Variants in PLEKHG1 observed in about 807,000 individuals in gnomAD.
PLEKHG1 encodes pleckstrin homology domain-containing family G member 1.
Under a neutral mutation model 100.8 loss-of-function variants are expected in PLEKHG1, and 44 were observed. That is an observed-to-expected ratio of 0.44 (90% CI 0.34 to 0.56). The LOEUF is 0.56. Among genes scored for constraint, PLEKHG1 ranks in the 20% least tolerant of loss-of-function variants. The pLI is 0.01. For missense variants in PLEKHG1, 1,545 were observed against 1,720.9 expected, an observed-to-expected ratio of 0.90 and a Z score of 1.81; for synonymous variants, 640 against 662.5, an observed-to-expected ratio of 0.97 and a Z score of 0.52.
At chr6:150,668,461 T>A (rs987418070) in intron 3 of PLEKHG1, among the ~76,000 whole-genome samples, 1 of 152,224 alleles carries the variant, frequency 6.6e-6, no homozygotes, top group Admixed American at 6.5e-5. Context: ...TAAAATTTAA[T>A]GGTCCATTTG....
At chr6:150,768,905 G>A (rs1469464316) in intron 3 of PLEKHG1, among the ~76,000 whole-genome samples, 167 bp downstream of exon 4, 1 of 152,080 alleles carries the variant, frequency 6.6e-6, no homozygotes, top group Non-Finnish European at 1.5e-5. Flanking sequence ...ATTTCCTTAT[G>A]AGTCTCACAT....
intron 3 of PLEKHG1, among the ~76,000 whole-genome samples, chr6:150,652,751 G>A (rs1364619862): frequency 2.0e-5 from 3 of 151,538 alleles, no homozygotes; most frequent in African/African-American, 7.3e-5. Context: ...AAGGAAAAAG[G>A]TTTATACTTT....
At chr6:150,696,704 A>T (rs1780557754) in intron 3 of PLEKHG1, among the ~76,000 whole-genome samples, 1 of 152,224 alleles carries the variant, frequency 6.6e-6, no homozygotes, top group Non-Finnish European at 1.5e-5. Context: ...AAGTCTAGAG[A>T]TACCAAAAAT....
intron 3 of PLEKHG1, among the ~76,000 whole-genome samples, chr6:150,704,038 A>G (rs570241077): frequency 4.0e-5 from 6 of 151,766 alleles, no homozygotes; most frequent in Non-Finnish European, 7.3e-5. Context: ...TCAAAGTGCA[A>G]CAATTGCAAA....
At chr6:150,800,613 A>G in intron 5 of PLEKHG1, 106 bp from the exon 7 acceptor site, 2 of 1,023,688 alleles carry the variant, frequency 2.0e-6, no homozygotes, top group South Asian at 3.0e-5. Flanking sequence ...ACAGCTCTGG[A>G]GCTACCCTAC....
chr6:150,832,455 T>C (rs189643771), intron 15 of PLEKHG1, among the ~76,000 whole-genome samples: 212 of 152,274 alleles, frequency 1.4e-3, no homozygotes, highest in African/African-American at 4.9e-3. Flanking sequence ...AGAGATAATA[T>C]TTTAAGAAAG....
At chr6:150,823,010 C>T (rs892682549) in intron 13 of PLEKHG1, among the ~76,000 whole-genome samples, 3 of 152,168 alleles carry the variant, frequency 2.0e-5, no homozygotes, top group African/African-American at 7.2e-5. Flanking sequence ...AAAAGCAAAA[C>T]AGTTATGGTG....
intron 1 of PLEKHG1, among the ~76,000 whole-genome samples, chr6:150,620,630 A>G (rs574262420): frequency 1.3e-5 from 2 of 152,084 alleles, no homozygotes; most frequent in South Asian, 4.2e-4. Context: ...TGACTTACCT[A>G]TTTTCAAAAA....
At chr6:150,719,349 G>C (rs1342325547), upstream of PLEKHG1, among the ~76,000 whole-genome samples, 1 of 152,172 alleles carries the variant, frequency 6.6e-6, no homozygotes, top group Non-Finnish European at 1.5e-5. Flanking sequence ...AAGTAGCTGT[G>C]TTGTGATCTG....
intron 14 of PLEKHG1, 95 bp downstream of exon 15, chr6:150,823,771 C>A: frequency 2.5e-6 from 2 of 793,636 alleles, no homozygotes; most frequent in Admixed American, 4.5e-5. Flanking sequence ...GCCCGTATTC[C>A]AAGTGTCAAC....
chr6:150,743,808 T>TGG, intron 2 of PLEKHG1, among the ~76,000 whole-genome samples: 1 of 152,092 alleles, frequency 6.6e-6, no homozygotes, highest in South Asian at 2.1e-4. Context: ...CTCTGTGAAA[T>TGG]TATTTAACAC....
intron 1 of PLEKHG1, among the ~76,000 whole-genome samples, chr6:150,637,663 T>C (rs916329174): frequency 5.3e-5 from 8 of 152,146 alleles, no homozygotes; most frequent in Non-Finnish European, 1.0e-4. Context: ...TACGACATAG[T>C]TGATTGTGTG....
rs149211633 is a variant in PLEKHG1 at position 150,707,129 on chromosome 6, C to T, written c.-98-26455C>T. Among the ~76,000 whole-genome samples the T allele has an allele frequency of 5.9e-3, 886 of 151,144 alleles. 10 individuals carry two copies. The highest frequency in any genetic ancestry group is 0.02 in the African/African-American group (815 of 41,260). On this transcript the variant is annotated intron_variant, in intron 3 of 3. Transcript: ENST00000367326. ...AAGCGATTCTCCTGCCTCAACCTCC[C>T]GAGTAGCTGGGATTACAGGTGCGCG...
chr6:150,721,489 G>A (rs1781672170), intron 1 of PLEKHG1, among the ~76,000 whole-genome samples: 1 of 152,168 alleles, frequency 6.6e-6, no homozygotes, highest in Admixed American at 6.5e-5. Flanking sequence ...TTAAAGTGAG[G>A]TTGAAATATC....
intron 3 of PLEKHG1, among the ~76,000 whole-genome samples, chr6:150,773,643 C>A (rs537402902): frequency 6.6e-6 from 1 of 152,366 alleles, no homozygotes; most frequent in African/African-American, 2.4e-5. Flanking sequence ...TGATCAAGCC[C>A]ACATACATTG....
intron 3 of PLEKHG1, among the ~76,000 whole-genome samples, chr6:150,778,697 T>G (rs1287169159): frequency 6.6e-6 from 1 of 152,198 alleles, no homozygotes; most frequent in African/African-American, 2.4e-5. Context: ...CCCTGTAACC[T>G]TCTTGCCTGA....
intron 1 of PLEKHG1, among the ~76,000 whole-genome samples, chr6:150,623,370 C>T (rs77816736): frequency 0.014 from 2,089 of 152,300 alleles, 18 homozygotes; most frequent in Non-Finnish European, 0.02. Flanking sequence ...GTAGCACCTG[C>T]GTCCTCCATC....
intron 5 of PLEKHG1, 106 bp downstream of exon 6, chr6:150,796,008 G>A: frequency 4.1e-6 from 3 of 733,496 alleles, no homozygotes; most frequent in Admixed American, 1.9e-5. Flanking sequence ...CTGGCCTTGT[G>A]CTGAATACTA....
In PLEKHG1 at chr6:150,691,988, C is replaced by T. The variant is rs987160581; in HGVS notation, c.-99+41202C>T. 5.3e-5 allele frequency among the ~76,000 whole-genome samples: 8 copies of T among 152,236 alleles called. No individual in the cohort carries two copies. The East Asian group carries it at 1.5e-3, about 29-fold the overall frequency. On this transcript the variant is annotated intron_variant, in intron 3 of 3. Transcript: ENST00000367326. ...ACCAGGGGTGGATCCAGGTTCCTGT[C>T]CCGCTGGGACATGGCCCATTTCCTT...
Sources: gnomAD v4.1 joint callset for allele counts (sites outside exome capture counted in the v4.1 genomes callset) on GRCh38, gnomAD v4.1.1 for gene constraint, MANE v1.5 for transcripts, NCBI Gene and HGNC (gene_info 2026-07-23, HGNC 2026-07-21) for gene names.